The following MITF variants were observed in gnomAD, a reference collection of about 807,000 sequenced individuals.
MITF encodes microphthalmia-associated transcription factor.
A neutral mutation model predicts 60.5 loss-of-function variants in MITF; 17 were observed. That is an observed-to-expected ratio of 0.28 (90% CI 0.19 to 0.42). The LOEUF is 0.42. MITF is among the 10% of genes least tolerant of loss of function. The probability of loss-of-function intolerance (pLI) is 1.00; values close to 1 mark genes in which losing one functional copy is unlikely to be tolerated. For missense variants in MITF, 622 were observed against 683.5 expected, an observed-to-expected ratio of 0.91 and a Z score of 1.00; for synonymous variants, 260 against 248.5, an observed-to-expected ratio of 1.05 and a Z score of -0.43.
At chr3:69,828,894 G>A (rs367689947) in intron 1 of MITF, among the ~76,000 whole-genome samples, 1 of 151,640 alleles carries the variant, frequency 6.6e-6, no homozygotes, top group African/African-American at 2.4e-5. Context: ...TTCATTATCA[G>A]CTAGAGAACA....
chr3:69,757,531 G>C (rs1704195536), intron 1 of MITF, among the ~76,000 whole-genome samples: 1 of 152,188 alleles, frequency 6.6e-6, no homozygotes, highest in Admixed American at 6.5e-5. Context: ...GTCAGAAGTG[G>C]AATGGTGGGA....
intron 1 of MITF, among the ~76,000 whole-genome samples, chr3:69,742,011 T>TA (rs1479365485): frequency 6.6e-6 from 1 of 152,200 alleles, no homozygotes; most frequent in Non-Finnish European, 1.5e-5. Flanking sequence ...CCAGAGTTGT[T>TA]AGAGTTGAAA....
At chr3:69,927,103 C>A (rs1378023958) in intron 2 of MITF, among the ~76,000 whole-genome samples, 1 of 151,678 alleles carries the variant, frequency 6.6e-6, no homozygotes. Flanking sequence ...TGAGACTTGA[C>A]CGAGTAATTT....
At chr3:69,920,934 C>G (rs992464728) in intron 2 of MITF, among the ~76,000 whole-genome samples, 34 of 152,198 alleles carry the variant, frequency 2.2e-4, no homozygotes, top group African/African-American at 8.0e-4. Context: ...GTGGCTCGAC[C>G]TCGGCTCACT....
chr3:69,813,911 A>C (rs1472805755), intron 1 of MITF, among the ~76,000 whole-genome samples: 1 of 152,194 alleles, frequency 6.6e-6, no homozygotes, highest in African/African-American at 2.4e-5. Context: ...TGGGAACTTA[A>C]TGGAGGGCCA....
chr3:69,797,529 G>T (rs1347126588), intron 1 of MITF, among the ~76,000 whole-genome samples: 9 of 152,142 alleles, frequency 5.9e-5, no homozygotes, highest in Non-Finnish European at 1.3e-4. Context: ...TTTTGAAGGG[G>T]TATAGGTGTG....
intron 1 of MITF, among the ~76,000 whole-genome samples, chr3:69,845,830 G>A (rs1023789499): frequency 6.6e-6 from 1 of 152,168 alleles, no homozygotes; most frequent in Non-Finnish European, 1.5e-5. Flanking sequence ...GCACTGAATT[G>A]GCTTTTCTTT....
intron 1 of MITF, among the ~76,000 whole-genome samples, chr3:69,744,984 C>G (rs913934832): frequency 6.6e-6 from 1 of 151,894 alleles, no homozygotes; most frequent in South Asian, 2.1e-4. Context: ...TGTGTGAGCC[C>G]CATTCTAAGT....
chr3:69,827,864 G>C (rs2107081148), intron 1 of MITF, among the ~76,000 whole-genome samples: 1 of 152,198 alleles, frequency 6.6e-6, no homozygotes, highest in African/African-American at 2.4e-5. Context: ...AGAAAAGTAA[G>C]CTTGGGCAGC....
At chr3:69,888,942 C>T (rs927474018) in intron 2 of MITF, among the ~76,000 whole-genome samples, 2 of 145,386 alleles carry the variant, frequency 1.4e-5, no homozygotes, top group African/African-American at 5.1e-5. Context: ...AGGTGCTTGT[C>T]AAAGTGTATT....
chr3:69,830,470 C>T (rs899295950), intron 1 of MITF, among the ~76,000 whole-genome samples: 17 of 152,184 alleles, frequency 1.1e-4, no homozygotes, highest in Admixed American at 7.2e-4. Context: ...GCATTCCTCT[C>T]CTGGCCCCCA....
intron 2 of MITF, among the ~76,000 whole-genome samples, chr3:69,903,256 A>G (rs1374969863): frequency 6.6e-6 from 1 of 152,218 alleles, no homozygotes; most frequent in African/African-American, 2.4e-5. Context: ...TAGTCCTAGA[A>G]TATAGGAATG....
chr3:69,799,232 T>C (rs1314399289), intron 1 of MITF, among the ~76,000 whole-genome samples: 1 of 152,110 alleles, frequency 6.6e-6, no homozygotes, highest in African/African-American at 2.4e-5. Flanking sequence ...AGAAGGCAGA[T>C]TTGCTAATGA....
rs1576070113 is a variant in MITF, at chr3:69,964,937, C to G, written c.1270C>G (p.Gln424Glu). The G allele has an allele frequency of 1.2e-6, 2 of 1,614,132 alleles. No homozygotes were observed. The highest frequency in any genetic ancestry group is 2.2e-5 in the East Asian group (1 of 44,862). ...AGATTTGGTGAATCGGATCATCAAG[C>G]AAGAACCCGTTCTTGAGAACTGCAG... Reference protein sequence around the residue: ...SPDLVNRIIKQEPVLENCSQD... With the variant: ...SPDLVNRIIKEEPVLENCSQD... Residue 424 changes from glutamine to glutamate, a missense_variant, in exon 10 of 10, where the codon CAA becomes GAA. Gln to Glu is a conservative substitution (Grantham distance 29, BLOSUM62 2). This residue lies in a region of MITF where 224 missense variants were observed against 209.5 expected (regional missense o/e 1.07). Transcript: ENST00000352241.
At chr3:69,773,447 A>G (rs1348854812) in intron 1 of MITF, among the ~76,000 whole-genome samples, 1 of 152,196 alleles carries the variant, frequency 6.6e-6, no homozygotes, top group African/African-American at 2.4e-5. Flanking sequence ...GGGGTCTGTG[A>G]ATTTGGAGAT....
chr3:69,939,597 T>A (rs1012079875), intron 4 of MITF, among the ~76,000 whole-genome samples: 2 of 152,038 alleles, frequency 1.3e-5, no homozygotes, highest in Admixed American at 6.6e-5. Flanking sequence ...CTATATTAAT[T>A]TAATAACATA....
chr3:69,794,340 A>G (rs2062793147), intron 1 of MITF, among the ~76,000 whole-genome samples: 1 of 152,250 alleles, frequency 6.6e-6, no homozygotes, highest in South Asian at 2.1e-4. Context: ...CAGGCCCTTC[A>G]TCAGAAATGT....
chr3:69,750,636 T>G (rs1159188949), intron 1 of MITF, among the ~76,000 whole-genome samples: 2 of 152,122 alleles, frequency 1.3e-5, no homozygotes, highest in Non-Finnish European at 2.9e-5. Context: ...TAGGGCTTGT[T>G]GAAACAGATT....
chr3:69,793,730 G>A (rs1000773521), intron 1 of MITF, among the ~76,000 whole-genome samples: 2 of 152,178 alleles, frequency 1.3e-5, no homozygotes, highest in African/African-American at 4.8e-5. Flanking sequence ...TGAATGTAAT[G>A]TCACATGCAT....
Sources: allele counts gnomAD v4.1 joint callset (sites outside exome capture counted in the v4.1 genomes callset), GRCh38; gene constraint gnomAD v4.1.1; regional missense constraint gnomAD v4.1.1; transcripts MANE v1.5; gene names NCBI Gene and HGNC (gene_info 2026-07-23, HGNC 2026-07-21).